Variants in ARL9 observed in about 807,000 individuals in gnomAD.
The protein encoded by ARL9 is ADP-ribosylation factor-like protein 9.
ARL9 carries 14 observed loss-of-function variants against 27.0 expected under a neutral mutation model. The ratio of observed to expected loss-of-function variants is 0.52; its 90% CI spans 0.34 to 0.81. The LOEUF (loss-of-function observed/expected upper bound fraction) is 0.81, where lower values mean the gene tolerates loss of function less well. Ranked by LOEUF, ARL9 falls within the 30% of genes least tolerant of loss-of-function variation. ARL9 has a pLI of 0.01. For synonymous variants in ARL9, 106 were observed against 108.7 expected (o/e 0.98, Z 0.15); for missense variants, 294 against 290.0 (o/e 1.01, Z -0.10).
Position 56,506,018 on chromosome 4 carries a change from GAA to G in ARL9, c.158_159del (p.Lys53ArgfsTer19), listed in dbSNP as rs986615200. The G allele has an allele frequency of 2.5e-5, 30 of 1,220,358 alleles. No individual in the cohort carries two copies. The highest frequency in any genetic ancestry group is 1.1e-4 in the African/African-American group (7 of 63,428). The allele number at this position is 1,220,358 out of a possible 1,614,324, so 75.6% of individuals were successfully genotyped here. A position where few individuals can be genotyped will look rare whatever the true frequency, so the allele number is the denominator to read the frequency against. ...AGCAGGAGAGGAGAAAGGGAAAAGA[GAA>G]AGAGGAAAAGAGGACAAAGCAAGGG... Reference protein sequence around the residue: ...EKQERRKGKEKEEKRTKQGKE... With the variant: ...EKQERRKGKEXEEKRTKQGKE... On this transcript the variant is annotated frameshift_variant, in exon 1 of 4. Coordinates refer to ENST00000640821, the MANE Select transcript of ARL9 (RefSeq NM_001363794.2). LOFTEE classifies it high-confidence loss of function.
At chr4:56,516,268 A>G (rs1192262802) in intron 2 of ARL9, among the ~76,000 whole-genome samples, 2 of 152,224 alleles carry the variant, frequency 1.3e-5, no homozygotes, top group African/African-American at 2.4e-5. Flanking sequence ...TGGAGAAAAT[A>G]TAGACTATCC....
At chr4:56,518,617 C>T in intron 2 of ARL9, 61 bp from the exon 3 acceptor site, 1 of 1,480,836 alleles carries the variant, frequency 6.8e-7, no homozygotes, top group South Asian at 1.2e-5. Context: ...TCCCTGCTCC[C>T]TGGGTGGGTG....
chr4:56,511,917 C>T (rs904284406), intron 2 of ARL9, among the ~76,000 whole-genome samples: 3 of 152,192 alleles, frequency 2.0e-5, no homozygotes, highest in African/African-American at 7.2e-5. Flanking sequence ...TCCAAGTCCT[C>T]TAAAACCTAA....
At chr4:56,516,505 G>A (rs1231581539) in intron 2 of ARL9, among the ~76,000 whole-genome samples, 1 of 145,842 alleles carries the variant, frequency 6.9e-6, no homozygotes, top group East Asian at 2.0e-4. Flanking sequence ...GGCAAAAGAC[G>A]TGAATAACAT....
intron 3 of ARL9, among the ~76,000 whole-genome samples, chr4:56,520,299 G>A (rs1304948686): frequency 6.6e-6 from 1 of 152,060 alleles, no homozygotes; most frequent in Non-Finnish European, 1.5e-5. Flanking sequence ...CACCGCACCT[G>A]GCTACAATGG....
intron 1 of ARL9, among the ~76,000 whole-genome samples, chr4:56,509,140 C>A (rs1353896849): frequency 6.6e-6 from 1 of 152,018 alleles, no homozygotes; most frequent in East Asian, 1.9e-4. Flanking sequence ...GTCCCTCAGT[C>A]ATTTGCCATA....
chr4:56,523,907 C>T lies in ARL9; in HGVS notation c.*31C>T, dbSNP rs750236269. The T allele has an allele frequency of 2.5e-6, 4 of 1,583,962 alleles. No individual in the cohort carries two copies. The East Asian group carries it at 9.0e-5, about 36-fold the overall frequency. On this transcript the variant is annotated 3_prime_UTR_variant, in exon 4 of 4. Coordinates refer to ENST00000640821, the MANE Select transcript of ARL9 (RefSeq NM_001363794.2). ...ACTCAGCCCACTGTGCGGCTCACGA[C>T]TGAGATGTCATCAGTGTTGAATGGC...
In ARL9 at chr4:56,506,056, A is replaced by T. The variant is rs1721450963; in HGVS notation, c.194A>T (p.Asn65Ile). 6 of 1,232,262 alleles carry T rather than the reference A, an allele frequency of 4.9e-6. No homozygotes were observed. The highest frequency in any genetic ancestry group is 6.1e-6 in the Non-Finnish European group (6 of 988,840). 76.3% of individuals were successfully genotyped at this position (1,232,262 alleles called of 1,614,324 possible). ...AGGACAAAGCAAGGGAAGGAGACAA[A>T]CAAAGAGAAGGAACAATTTAAGGGA... The part of the protein sequence containing the change: ...EKRTKQGKET[N>I]KEKEQFKGQE... The change falls in exon 1 of 4, where the codon AAC (asparagine) becomes ATC (isoleucine). Residue 65 changes from asparagine (N) to isoleucine (I), a missense_variant. By Grantham distance (149) the Asn-to-Ile change is moderately radical (BLOSUM62 -3). Coordinates refer to ENST00000640821, the MANE Select transcript of ARL9 (RefSeq NM_001363794.2).
At position 56,506,131 on chromosome 4, in the gene ARL9, T is replaced by A; in HGVS notation, c.269T>A (p.Leu90His). 8.1e-7 allele frequency: 1 copy of A among 1,233,450 alleles called. No homozygotes were observed. Among genetic ancestry groups the A allele is most frequent in the Non-Finnish European group, 1.0e-6 (1 of 989,050 alleles). 76.4% of individuals were successfully genotyped at this position (1,233,450 alleles called of 1,614,324 possible). Residue 90 changes from leucine (L) to histidine (H), a missense_variant, in exon 1 of 4, where the codon CTC (leucine) becomes CAC (histidine). Leu to His is a moderately conservative substitution (Grantham distance 99). Transcript: ENST00000640821. Reference sequence around the variant, plus strand: ...GACAGCACCTTGACAAGGACCCCGCTCGAGCCGCTGGTAAGAGACCCAGTG... The same window carrying A: ...GACAGCACCTTGACAAGGACCCCGCACGAGCCGCTGGTAAGAGACCCAGTG... ...NKDSTLTRTP[L>H]EPLEKNKQIL...
chr4:56,518,147 CAGGCATGCACCAT>C (rs200378225), intron 2 of ARL9, among the ~76,000 whole-genome samples: 2,399 of 152,106 alleles, frequency 0.016, 48 homozygotes, highest in African/African-American at 0.038. Context: ...GGTAGCACCA[CAGGCATGCACCAT>C]AGGCATGCAC....
Position 56,523,722 on chromosome 4 carries a change from C to T in ARL9, c.644C>T (p.Thr215Ile). ...KQDLEAAYHI[T>I]DIHEALALSE... ...GATCTTGAAGCAGCCTATCACATTA[C>T]AGATATCCATGAAGCTTTGGCATTA... The change falls in exon 4 of 4, where the codon ACA becomes ATA. Residue 215 changes from threonine (T) to isoleucine (I), a missense_variant. Thr to Ile is a moderately conservative substitution (Grantham distance 89). Coordinates refer to ENST00000640821, the MANE Select transcript of ARL9 (RefSeq NM_001363794.2). 1 of 1,613,666 alleles carries T rather than the reference C, an allele frequency of 6.2e-7. No homozygotes were observed.
chr4:56,516,073 C>T (rs78659701), intron 2 of ARL9, among the ~76,000 whole-genome samples: 1,630 of 152,184 alleles, frequency 0.011, 34 homozygotes, highest in African/African-American at 0.036. Flanking sequence ...AACTAAAATG[C>T]GTGGTGTTGG....
intron 1 of ARL9, among the ~76,000 whole-genome samples, chr4:56,507,277 C>T (rs1417689778): frequency 1.3e-5 from 2 of 152,074 alleles, no homozygotes; most frequent in East Asian, 3.9e-4. Flanking sequence ...GTAGGATGGG[C>T]GTAGGGACAG....
Position 56,511,257 on chromosome 4 carries a change from T to G in ARL9, c.352T>G (p.Ser118Ala), listed in dbSNP as rs757752548. ...AACCAGTGTCCTGCACTCTCTAGCT[T>G]CAAACAGAGTCCAGCACAGTGTGGC... ...GKTSVLHSLA[S>A]NRVQHSVAPT... The change falls in exon 2 of 4, where the codon TCA (serine) becomes GCA (alanine). Residue 118 changes from serine (S) to alanine (A), a missense_variant. Ser to Ala is a moderately conservative substitution (Grantham distance 99). Transcript: ENST00000640821. The G allele has an allele frequency of 3.7e-6, 6 of 1,613,870 alleles. No homozygotes were observed. Among genetic ancestry groups the G allele is most frequent in the Admixed American group, 1.7e-5 (1 of 60,000 alleles).
At chr4:56,521,449 T>C (rs1269779115) in intron 3 of ARL9, among the ~76,000 whole-genome samples, 3 of 152,202 alleles carry the variant, frequency 2.0e-5, no homozygotes, top group African/African-American at 7.2e-5. Flanking sequence ...CATGTATGTG[T>C]CCCTTTGTGG....
intron 3 of ARL9, among the ~76,000 whole-genome samples, chr4:56,522,137 C>T (rs752114070): frequency 1.3e-5 from 2 of 151,914 alleles, no homozygotes; most frequent in South Asian, 4.2e-4. Flanking sequence ...TTGATAGGTT[C>T]GGGACATGCA....
chr4:56,519,105 T>C (rs1721846657), intron 3 of ARL9, among the ~76,000 whole-genome samples: 1 of 152,202 alleles, frequency 6.6e-6, no homozygotes, highest in South Asian at 2.1e-4. Context: ...AATAAATACA[T>C]ATTGTTAAAT....
upstream of ARL9, chr4:56,505,655 G>A: frequency 5.0e-6 from 4 of 805,810 alleles, no homozygotes; most frequent in South Asian, 7.6e-5. Context: ...ACCCCTGCGG[G>A]TTCAGCGAAT....
intron 1 of ARL9, among the ~76,000 whole-genome samples, chr4:56,510,354 C>CAAAAAAAAA (rs769085578): frequency 3.2e-4 from 24 of 75,092 alleles, no homozygotes; most frequent in Middle Eastern, 8.8e-3. Context: ...GACTCCAACT[C>CAAAAAAAAA]AAAAAAAAAA....
Sources: allele counts gnomAD v4.1 joint callset (sites outside exome capture counted in the v4.1 genomes callset), GRCh38; gene constraint gnomAD v4.1.1; transcripts MANE v1.5; gene names NCBI Gene and HGNC (gene_info 2026-07-23, HGNC 2026-07-21).